NDUFS8: variants seen among roughly 807,000 people sequenced by gnomAD.
NDUFS8 encodes the protein NADH:ubiquinone oxidoreductase core subunit S8, also known as NADH dehydrogenase [ubiquinone] iron-sulfur protein 8, mitochondrial.
In NDUFS8, 13 loss-of-function variants were observed where a neutral mutation model predicts 25.6. The observed-to-expected ratio is 0.51, with a 90% CI of 0.33 to 0.81. NDUFS8 has a LOEUF of 0.81. NDUFS8 is among the 30% of genes least tolerant of loss of function. NDUFS8 has a pLI of 0.02. For synonymous variants in NDUFS8, 119 were observed against 119.4 expected, an observed-to-expected ratio of 1.00 and a Z score of 0.02; for missense variants, 257 against 300.9, an observed-to-expected ratio of 0.85 and a Z score of 1.08.
At position 68,033,254 on chromosome 11, in the gene NDUFS8, A is replaced by G. The variant is rs764276946; in HGVS notation, c.343A>G (p.Lys115Glu). The G allele has an allele frequency of 5.6e-6, 9 of 1,609,414 alleles. No individual in the cohort carries two copies. The Admixed American group carries it at 1.5e-4, about 27-fold the overall frequency. ...CGGGGAGGAGCGTTGCATTGCCTGC[A>G]AGCTCTGCGAGGCCATCTGCCCCGC... ...PSGEERCIAC[K>E]LCEAICPAQA... is the part of the protein sequence containing the mutation. Residue 115 changes from lysine to glutamate, a missense_variant, in exon 5 of 7, where the codon AAG becomes GAG. Lys to Glu is a moderately conservative substitution (Grantham distance 56, BLOSUM62 1). Coordinates refer to ENST00000313468, the MANE Select transcript of NDUFS8 (RefSeq NM_002496.4).
chr11:68,033,719 G>T, intron 5 of NDUFS8: 1 of 262,904 alleles, frequency 3.8e-6, no homozygotes, highest in Non-Finnish European at 7.6e-6. Context: ...GTGCTTACCC[G>T]TGGGGGCCAG....
chr11:68,033,085 G>A lies in NDUFS8; in HGVS notation c.200-26G>A, dbSNP rs1415488418. 2.5e-6 allele frequency: 4 copies of A among 1,612,958 alleles called. No homozygotes were observed. The African/African-American group carries it at 5.3e-5, about 22-fold the overall frequency. On this transcript the variant is annotated intron_variant, in intron 4 of 6. Transcript: ENST00000313468. Reference sequence around the variant, plus strand: ...ATGCATGGGGGAGGAGGGTGCCCCTGCCCACCACACCCGTGCTGCCCACAG... The same window carrying A: ...ATGCATGGGGGAGGAGGGTGCCCCTACCCACCACACCCGTGCTGCCCACAG...
rs377227980 is a variant in NDUFS8, at chr11:68,036,004, C to T, written c.373-249C>T. 8.8e-4 allele frequency: 400 copies of T among 452,826 alleles called. 6 individuals are homozygous for T. The East Asian group carries it at 0.016, about 18-fold the overall frequency. 28.1% of individuals were successfully genotyped at this position (452,826 alleles called of 1,614,324 possible). A position where few individuals can be genotyped will look rare whatever the true frequency, so the allele number is the denominator to read the frequency against. On this transcript the variant is annotated intron_variant, in intron 5 of 6. Coordinates refer to ENST00000313468, the MANE Select transcript of NDUFS8 (RefSeq NM_002496.4). ...GCTGCACTCCAGCCTGGCGACAGAGCGAGACTCTATCTCAAAAAAAAAAAA... is the reference window on the plus strand; with the variant it reads ...GCTGCACTCCAGCCTGGCGACAGAGTGAGACTCTATCTCAAAAAAAAAAAA...
At chr11:68,036,198 TG>T in intron 5 of NDUFS8, 54 bp from the exon 6 acceptor site, 13 of 1,608,848 alleles carry the variant, frequency 8.1e-6, no homozygotes, top group Non-Finnish European at 9.3e-6. Context: ...ACAGGGGCCC[TG>T]GGGGCTGGGA....
At chr11:68,032,382 C>T in intron 3 of NDUFS8, 46 bp downstream of exon 3, 1 of 1,612,486 alleles carries the variant, frequency 6.2e-7, no homozygotes, top group Non-Finnish European at 8.5e-7. Flanking sequence ...CTGACTGGTC[C>T]TGCTGGAGTA....
At position 68,036,373 on chromosome 11, in the gene NDUFS8, A is replaced by C. The variant is rs1352762723; in HGVS notation, c.493A>C (p.Ile165Leu). Residue 165 changes from isoleucine (I) to leucine (L), a missense_variant, in exon 6 of 7, where the codon ATC becomes CTC. Coordinates refer to ENST00000313468, the MANE Select transcript of NDUFS8 (RefSeq NM_002496.4). Reference protein sequence around the residue: ...FCQEACPVDAIVEGPNFEFST... With the variant: ...FCQEACPVDALVEGPNFEFST... ...CCAGGAGGCCTGTCCCGTGGATGCC[A>C]TCGTCGAGGCACGTGAGGCCCCCGG... 1.2e-6 allele frequency: 2 copies of C among 1,613,592 alleles called. No homozygotes were observed. The highest frequency in any genetic ancestry group is 1.7e-5 in the Admixed American group (1 of 59,998).
intron 5 of NDUFS8, 81 bp from the exon 6 acceptor site, chr11:68,036,172 G>A (rs1854884966): frequency 1.2e-6 from 2 of 1,600,308 alleles, no homozygotes; most frequent in Non-Finnish European, 8.5e-7. Flanking sequence ...GACCCCAGGG[G>A]TGGGGATGAG....
chr11:68,033,944 C>G (rs1348041030), intron 5 of NDUFS8: 1 of 160,464 alleles, frequency 6.2e-6, no homozygotes, highest in Non-Finnish European at 1.4e-5. Flanking sequence ...CCTGATGTCT[C>G]TACTCCAGCC....
At chr11:68,035,658 C>A (rs1055640019) in intron 5 of NDUFS8, 1 of 455,124 alleles carries the variant, frequency 2.2e-6, no homozygotes, top group Admixed American at 2.4e-5. Context: ...GGGTGCTACA[C>A]TGAACAAAGC....
intron 5 of NDUFS8, chr11:68,035,087 TA>T (rs1854859807): frequency 6.6e-6 from 1 of 151,942 alleles, no homozygotes; most frequent in African/African-American, 2.4e-5. Flanking sequence ...AAAAAGGATT[TA>T]CACTGTACTG....
In NDUFS8 at chr11:68,035,986, T is replaced by G. The variant is rs140602229; in HGVS notation, c.373-267T>G. The G allele has an allele frequency of 0.1, 42,085 of 419,932 alleles. 2,464 individuals carry two copies. Among genetic ancestry groups the G allele is most frequent in the African/African-American group, 0.15 (6,598 of 43,708 alleles). The allele number at this position is 419,932 out of a possible 1,614,324, so 26.0% of individuals were successfully genotyped here. A position where few individuals can be genotyped will look rare whatever the true frequency, so the allele number is the denominator to read the frequency against. On this transcript the variant is annotated intron_variant, in intron 5 of 6. Transcript: ENST00000313468. Reference sequence around the variant, plus strand: ...GTGAGCCGAGATTGTGCTGCTGCACTCCAGCCTGGCGACAGAGCGAGACTC... The same window carrying G: ...GTGAGCCGAGATTGTGCTGCTGCACGCCAGCCTGGCGACAGAGCGAGACTC...
rs558017995 is a variant in NDUFS8 at position 68,030,962 on chromosome 11, G to T, written c.-1+229G>T. The T allele has an allele frequency of 5.7e-5, 25 of 439,450 alleles. No homozygotes were observed. The East Asian group carries it at 1.6e-3, about 28-fold the overall frequency. The allele number at this position is 439,450 out of a possible 1,614,324, so 27.2% of individuals were successfully genotyped here. On this transcript the variant is annotated intron_variant, in intron 1 of 6. Transcript: ENST00000313468. The stretch of plus-strand genomic sequence containing the variant: ...GTTAGGGTCGGAGATCACTGGGAAG[G>T]TGGGGAAGGTGCTGGGTTGGGTCCC...
chr11:68,036,072 G>T (rs144212243), intron 5 of NDUFS8, 181 bp from the exon 6 acceptor site: 1 of 823,510 alleles, frequency 1.2e-6, no homozygotes, highest in African/African-American at 1.7e-5. Context: ...AGCAGGGCAC[G>T]TGCTGAGGAG....
chr11:68,036,167 C>T, intron 5 of NDUFS8, 86 bp from the exon 6 acceptor site: 1 of 1,599,538 alleles, frequency 6.3e-7, no homozygotes, highest in Non-Finnish European at 8.5e-7. Context: ...TGGCAGACCC[C>T]AGGGGTGGGG....
At chr11:68,033,739 C>T (rs569177281) in intron 5 of NDUFS8, 1 of 249,514 alleles carries the variant, frequency 4.0e-6, no homozygotes, top group Non-Finnish European at 8.1e-6. Context: ...GGCCTGCCAG[C>T]ACGGGAACAA....
chr11:68,033,970 A>C (rs1365552069), intron 5 of NDUFS8: 1 of 157,764 alleles, frequency 6.3e-6, no homozygotes, highest in Non-Finnish European at 1.4e-5. Flanking sequence ...CTGAGAGTGC[A>C]TAGGAGTGTC....
At chr11:68,030,894 G>C (rs1293726905) in intron 1 of NDUFS8, 161 bp downstream of exon 1, 4 of 446,176 alleles carry the variant, frequency 9.0e-6, no homozygotes, top group Non-Finnish European at 1.8e-5. Context: ...CGGGGAGCCG[G>C]CTCTCAGGGC....
Position 68,033,136 on chromosome 11 carries a change from G to A in NDUFS8, c.225G>A (p.Leu75=). The change falls in exon 5 of 7, where the codon CTG becomes CTA. Residue 75 remains leucine, a synonymous_variant. Coordinates refer to ENST00000313468, the MANE Select transcript of NDUFS8 (RefSeq NM_002496.4). ...GCCTGGGCATGACCCTGAGCTACCT[G>A]TTCCGGGAACCGGCCACCATCAACT... ...FRGLGMTLSY[L]FREPATINYP... The A allele has an allele frequency of 1.2e-6, 2 of 1,612,924 alleles. No individual in the cohort carries two copies. The highest frequency in any genetic ancestry group is 1.7e-6 in the Non-Finnish European group (2 of 1,179,800).
Position 68,030,720 on chromosome 11 carries a change from G to A in NDUFS8, c.-14G>A. Reference sequence around the variant, plus strand: ...TGGCCTGCTTGGCAAGGCAAGTAGCGGCGGCGCTTCAAGGTGGGTGTTCAC... The same window carrying A: ...TGGCCTGCTTGGCAAGGCAAGTAGCAGCGGCGCTTCAAGGTGGGTGTTCAC... On this transcript the variant is annotated 5_prime_UTR_variant, in exon 1 of 7. Transcript: ENST00000313468. 1 of 331,836 alleles carries A rather than the reference G, an allele frequency of 3.0e-6. No individual in the cohort carries two copies. Among genetic ancestry groups the A allele is most frequent in the Non-Finnish European group, 6.0e-6 (1 of 166,758 alleles). The allele number at this position is 331,836 out of a possible 1,614,324, so 20.6% of individuals were successfully genotyped here. A position where few individuals can be genotyped will look rare whatever the true frequency, so the allele number is the denominator to read the frequency against.
Sources: allele counts gnomAD v4.1 joint callset, GRCh38; gene constraint gnomAD v4.1.1; transcripts MANE v1.5; gene names NCBI Gene and HGNC (gene_info 2026-07-23, HGNC 2026-07-21).